Variants in TRPM2 observed in about 807,000 individuals in gnomAD.
TRPM2 encodes the protein transient receptor potential cation channel subfamily M member 2, also known as estrogen-responsive element-associated gene 1 protein.
A neutral mutation model predicts 174.0 loss-of-function variants in TRPM2; 161 were observed. The observed-to-expected ratio is 0.93, with a 90% CI of 0.81 to 1.05. TRPM2 has a LOEUF of 1.05. TRPM2 is among the 50% of genes least tolerant of loss of function. The pLI, the probability that TRPM2 is intolerant of heterozygous loss-of-function variation, is 0.00. For missense variants in TRPM2, 2,057 were observed against 2,038.0 expected (o/e 1.01, Z -0.18); for synonymous variants, 954 against 861.3 (o/e 1.11, Z -1.88).
At chr21:44,364,885 C>T (rs1250945312) in intron 3 of TRPM2, among the ~76,000 whole-genome samples, 3 of 152,234 alleles carry the variant, frequency 2.0e-5, no homozygotes, top group Non-Finnish European at 2.9e-5. Flanking sequence ...CACAACCTCA[C>T]TGAGGTCCCT....
intron 17 of TRPM2, 104 bp from the exon 18 acceptor site, chr21:44,405,801 C>T: frequency 7.0e-7 from 1 of 1,438,692 alleles, no homozygotes; most frequent in Non-Finnish European, 9.3e-7. Flanking sequence ...CCTTTGCCTC[C>T]AGGGCCCACC....
chr21:44,364,764 G>C (rs1156959977), intron 3 of TRPM2, among the ~76,000 whole-genome samples: 1 of 152,232 alleles, frequency 6.6e-6, no homozygotes, highest in Non-Finnish European at 1.5e-5. Context: ...TCCTTGCGAG[G>C]AGTCTGGGCC....
intron 5 of TRPM2, among the ~76,000 whole-genome samples, chr21:44,369,567 A>AC (rs2048466972): frequency 4.2e-5 from 2 of 47,398 alleles, no homozygotes; most frequent in Non-Finnish European, 8.2e-5. Context: ...GGTGTGGGTG[A>AC]GTTCTGACCG....
rs1344042636 is a variant in TRPM2 at position 44,437,120 on chromosome 21, G to GTGCT, written c.4121_4124dup (p.Val1376AlafsTer41). The GTGCT allele has an allele frequency of 1.2e-5, 19 of 1,551,306 alleles. No homozygotes were observed. Among genetic ancestry groups the GTGCT allele is most frequent in the Non-Finnish European group, 1.7e-5 (19 of 1,146,930 alleles). The stretch of plus-strand genomic sequence containing the variant: ...GAAGAGCATAAAGAAGATGCTGGAA[G>GTGCT]TGCTGGTGGTGAAGCTCCCTCTCTC... On this transcript the variant is annotated frameshift_variant, in exon 29 of 32. Coordinates refer to ENST00000397928, the MANE Select transcript of TRPM2 (RefSeq NM_003307.4). LOFTEE classifies it high-confidence loss of function.
chr21:44,428,764 G>C (rs1003538728), intron 27 of TRPM2, among the ~76,000 whole-genome samples: 1 of 137,810 alleles, frequency 7.3e-6, no homozygotes, highest in Non-Finnish European at 1.5e-5. Context: ...TCCCTGAGGT[G>C]TGGCTCCTCC....
Position 44,399,743 on chromosome 21 carries a change from G to A in TRPM2, c.2208+302G>A, listed in dbSNP as rs374725495. On this transcript the variant is annotated intron_variant, in intron 14 of 31. Transcript: ENST00000397928. This position sits in a 1 kb window ranked among gnomAD's most constrained non-coding sequence, Gnocchi z 4.6. ...AAGCCCAGGTGGCTCTGGGAACGGC[G>A]TCTGCCCTCTCTCCCTGGAGGGATA... is the stretch of plus-strand genomic sequence containing the variant. Among the ~76,000 whole-genome samples, 3 of 152,122 alleles carry A rather than the reference G, an allele frequency of 2.0e-5. No homozygotes were observed. The highest frequency in any genetic ancestry group is 2.1e-4 in the South Asian group (1 of 4,834).
Position 44,353,729 on chromosome 21 carries a change from G to T in TRPM2, c.29G>T (p.Gly10Val), listed in dbSNP as rs1355830637. MEPSALRKA[G>V]SEQEEGFEGL... ...GAGCCCTCAGCCCTGAGGAAAGCTG[G>T]CTCGGAGCAGGAGGAGGGCTTTGAG... Residue 10 changes from glycine (G) to valine (V), a missense_variant, in exon 1 of 32, where the codon GGC (glycine) becomes GTC (valine). Coordinates refer to ENST00000397928, the MANE Select transcript of TRPM2 (RefSeq NM_003307.4). The T allele has an allele frequency of 3.2e-6, 5 of 1,566,462 alleles. No homozygotes were observed. Among genetic ancestry groups the T allele is most frequent in the Non-Finnish European group, 4.3e-6 (5 of 1,160,156 alleles).
rs1364236178 is a variant in TRPM2 at position 44,366,641 on chromosome 21, A to C, written c.424-113A>C. 29 of 1,428,954 alleles carry C rather than the reference A, an allele frequency of 2.0e-5. No homozygotes were observed. Among genetic ancestry groups the C allele is most frequent in the Non-Finnish European group, 2.5e-5 (26 of 1,036,982 alleles). The allele number at this position is 1,428,954 out of a possible 1,614,324, so 88.5% of individuals were successfully genotyped here. A position where few individuals can be genotyped will look rare whatever the true frequency, so the allele number is the denominator to read the frequency against. ...ACCCCTTTTCTGGGTCTGAGCCGGA[A>C]AGGTGTGCGGTGTCTGCCGCCCGCT... On this transcript the variant is annotated intron_variant, in intron 3 of 31. Coordinates refer to ENST00000397928, the MANE Select transcript of TRPM2 (RefSeq NM_003307.4). This position sits in a 1 kb window ranked among gnomAD's most constrained non-coding sequence, Gnocchi z 6.0.
chr21:44,418,471 T>C lies in TRPM2; in HGVS notation c.3377T>C (p.Ile1126Thr), dbSNP rs756574016. 20 of 1,613,830 alleles carry C rather than the reference T, an allele frequency of 1.2e-5. No individual in the cohort carries two copies. In the South Asian group the frequency reaches 2.1e-4, roughly 17 times the overall value. Residue 1126 changes from isoleucine to threonine, a missense_variant, in exon 22 of 32, where the codon ATC becomes ACC. By Grantham distance (89) the Ile-to-Thr change is moderately conservative. Transcript: ENST00000397928. Reference protein sequence around the residue: ...NEEAALLSWEIYLKENYLQNR... With the variant: ...NEEAALLSWETYLKENYLQNR... ...GAGGCGGCCCTGCTATCCTGGGAGA[T>C]CTACCTGAAGGAGAACTACCTCCAG...
chr21:44,357,733 G>C (rs1037954779), intron 2 of TRPM2, among the ~76,000 whole-genome samples: 13 of 152,204 alleles, frequency 8.5e-5, no homozygotes, highest in Non-Finnish European at 1.6e-4. Flanking sequence ...GTCCAGGCCC[G>C]GCAAAGCACT....
Position 44,391,468 on chromosome 21 carries a change from GC to G in TRPM2, c.1640del (p.Pro547ArgfsTer56), listed in dbSNP as rs747250499. The G allele has an allele frequency of 1.2e-6, 2 of 1,611,444 alleles. No homozygotes were observed. ...LQKVLVEDPERPACAPAAPRL... is the reference protein window; with the variant it reads ...LQKVLVEDPEXPACAPAAPRL... ...AAGGTGCTGGTGGAGGATCCCGAGCGCCCGGCTTGCGCGCCCGCGGCGCCCC... is the reference window on the plus strand; with the variant it reads ...AAGGTGCTGGTGGAGGATCCCGAGCGCCGGCTTGCGCGCCCGCGGCGCCCC... On this transcript the variant is annotated frameshift_variant, in exon 11 of 32. Transcript: ENST00000397928. LOFTEE classifies it high-confidence loss of function. The surrounding 1 kb of genome is among the most constrained non-coding windows in gnomAD (Gnocchi z 5.0).
intron 29 of TRPM2, 66 bp downstream of exon 29, chr21:44,437,233 A>G (rs2051307846): frequency 6.2e-6 from 9 of 1,451,752 alleles, no homozygotes; most frequent in Non-Finnish European, 8.5e-6. Flanking sequence ...CCATTCATCC[A>G]TTCTGCCCAC....
chr21:44,398,453 G>A (rs551742532), intron 13 of TRPM2, among the ~76,000 whole-genome samples: 16 of 152,130 alleles, frequency 1.1e-4, no homozygotes, highest in South Asian at 4.2e-4. Context: ...CGCCCACCTC[G>A]GCCTCCCAAA....
In TRPM2 at chr21:44,382,943, C is replaced by A. The variant is rs146697063; in HGVS notation, c.1318+123C>A. On this transcript the variant is annotated intron_variant, in intron 9 of 31. Transcript: ENST00000397928. ...CAGAATATTCCTCCTTGGTCAGAAA[C>A]CCTGGCCAGAGGGCAGCTGGCGACG... The A allele has an allele frequency of 6.5e-4, 702 of 1,071,888 alleles. 8 individuals are homozygous for A. In the African/African-American group the frequency reaches 9.9e-3, roughly 15 times the overall value. 66.4% of individuals were successfully genotyped at this position (1,071,888 alleles called of 1,614,324 possible).
intron 7 of TRPM2, among the ~76,000 whole-genome samples, 161 bp from the exon 8 acceptor site, chr21:44,378,836 C>T (rs868224858): frequency 6.6e-6 from 1 of 152,212 alleles, no homozygotes; most frequent in Non-Finnish European, 1.5e-5. Context: ...CCCTCTTCCC[C>T]CAGAGCAGGG....
At chr21:44,422,272 C>A (rs1304621370) in intron 22 of TRPM2, 18 of 1,535,800 alleles carry the variant, frequency 1.2e-5, no homozygotes, top group Non-Finnish European at 1.5e-5. Flanking sequence ...GCCCACAGGG[C>A]AGGGCTGGAG....
At chr21:44,357,288 A>G (rs1316555250) in intron 2 of TRPM2, among the ~76,000 whole-genome samples, 1 of 152,114 alleles carries the variant, frequency 6.6e-6, no homozygotes. Context: ...TCTCACATGG[A>G]AGTGGAAACC....
chr21:44,402,858 C>T lies in TRPM2; in HGVS notation c.2538+961C>T, dbSNP rs138616682. ...GTGGTGAGGGGGTGGGGTCAGCCCA[C>T]GGGGCAGTGGTCCTGGCTTAGACTT... On this transcript the variant is annotated intron_variant, in intron 16 of 31. Coordinates refer to ENST00000397928, the MANE Select transcript of TRPM2 (RefSeq NM_003307.4). Among the ~76,000 whole-genome samples the T allele has an allele frequency of 1.4e-4, 21 of 152,308 alleles. No individual in the cohort carries two copies. The East Asian group carries it at 3.5e-3, about 25-fold the overall frequency.
intron 9 of TRPM2, among the ~76,000 whole-genome samples, chr21:44,386,987 T>TGA (rs1292319220): frequency 6.6e-6 from 1 of 152,134 alleles, no homozygotes; most frequent in Non-Finnish European, 1.5e-5. Flanking sequence ...CTCAGGGGTT[T>TGA]GAGACCAGCC....
Sources: allele counts gnomAD v4.1 joint callset (sites outside exome capture counted in the v4.1 genomes callset), GRCh38; gene constraint gnomAD v4.1.1; non-coding constraint Gnocchi (gnomAD v3.1); transcripts MANE v1.5; gene names NCBI Gene and HGNC (gene_info 2026-07-23, HGNC 2026-07-21).